Variants in DCC observed in about 807,000 individuals in gnomAD.
DCC encodes the protein DCC netrin 1 receptor, also known as netrin receptor DCC.
A neutral mutation model predicts 172.5 loss-of-function variants in DCC; 58 were observed. The observed-to-expected ratio is 0.34, with a 90% CI of 0.27 to 0.42. DCC has a LOEUF of 0.42. DCC is among the 10% of genes least tolerant of loss of function. The probability of loss-of-function intolerance (pLI) is 1.00; values close to 1 mark genes in which losing one functional copy is unlikely to be tolerated. For synonymous variants in DCC, 709 were observed against 644.5 expected (o/e 1.10, Z -1.52); for missense variants, 1,740 against 1,791.0 (o/e 0.97, Z 0.51).
In DCC at chr18:53,125,878, C is replaced by T. The variant is rs190877241; in HGVS notation, c.1262-31478C>T. Among the ~76,000 whole-genome samples, 13 of 152,208 alleles carry T rather than the reference C, an allele frequency of 8.5e-5. No individual in the cohort carries two copies. The East Asian group carries it at 2.5e-3, about 30-fold the overall frequency. On this transcript the variant is annotated intron_variant, in intron 7 of 28. Transcript: ENST00000442544. Reference sequence around the variant, plus strand: ...TTTGTGGATAATCTTTTTTAGTTCACCACAGTGTATGAAACAGATACATTA... The same window carrying T: ...TTTGTGGATAATCTTTTTTAGTTCATCACAGTGTATGAAACAGATACATTA...
chr18:53,266,693 C>T (rs960344125), intron 12 of DCC, among the ~76,000 whole-genome samples: 2 of 151,982 alleles, frequency 1.3e-5, no homozygotes, highest in African/African-American at 2.4e-5. Flanking sequence ...CCTCCTCACA[C>T]TTCAGCCATA....
At chr18:53,455,791 C>T (rs7239979) in intron 23 of DCC, among the ~76,000 whole-genome samples, 4,375 of 152,214 alleles carry the variant, frequency 0.029, 227 homozygotes, top group African/African-American at 0.099. Flanking sequence ...ACTGTCATGC[C>T]GCAGTGCATG....
At chr18:52,750,533 G>A (rs1378355212) in intron 1 of DCC, among the ~76,000 whole-genome samples, 1 of 152,146 alleles carries the variant, frequency 6.6e-6, no homozygotes, top group East Asian at 1.9e-4. Flanking sequence ...TGAGTGAGTG[G>A]CCAAGGTGAA....
chr18:53,094,296 G>C (rs1326361219), intron 7 of DCC, among the ~76,000 whole-genome samples: 2 of 152,120 alleles, frequency 1.3e-5, no homozygotes, highest in Non-Finnish European at 2.9e-5. Flanking sequence ...CTGGGAAGAA[G>C]GACTTTGTAA....
Position 52,881,267 on chromosome 18 carries a change from A to T in DCC, c.413-24777A>T, listed in dbSNP as rs574495005. Among the ~76,000 whole-genome samples the T allele has an allele frequency of 5.9e-5, 9 of 152,158 alleles. No homozygotes were observed. In the South Asian group the frequency reaches 1.7e-3, roughly 28 times the overall value. The stretch of plus-strand genomic sequence containing the variant: ...ATTCTGGTTACTAGTCCCTTGTCAG[A>T]TGGGTAGTTTGCAAATATTTTCTTC... On this transcript the variant is annotated intron_variant, in intron 2 of 28. Coordinates refer to ENST00000442544, the MANE Select transcript of DCC (RefSeq NM_005215.4).
At chr18:52,355,110 G>A (rs1364832438) in intron 1 of DCC, among the ~76,000 whole-genome samples, 1 of 152,098 alleles carries the variant, frequency 6.6e-6, no homozygotes. Flanking sequence ...CTCTGTGTTT[G>A]CCTTCAGAGC....
At chr18:52,342,313 T>C (rs937080365) in intron 1 of DCC, among the ~76,000 whole-genome samples, 3 of 152,142 alleles carry the variant, frequency 2.0e-5, no homozygotes, top group Non-Finnish European at 4.4e-5. Flanking sequence ...ACGCGCGCTG[T>C]CCTGTGATGA....
chr18:53,272,540 G>A (rs1408366177), intron 12 of DCC, among the ~76,000 whole-genome samples: 1 of 152,100 alleles, frequency 6.6e-6, no homozygotes, highest in Non-Finnish European at 1.5e-5. Context: ...GTATGAATTG[G>A]TAATGGATCT....
intron 1 of DCC, among the ~76,000 whole-genome samples, chr18:52,714,574 T>C (rs961169109): frequency 6.6e-6 from 1 of 152,156 alleles, no homozygotes; most frequent in Non-Finnish European, 1.5e-5. Context: ...GAAGGATGAG[T>C]GAGTGAGTTG....
intron 19 of DCC, among the ~76,000 whole-genome samples, chr18:53,408,245 T>C (rs576411046): frequency 6.1e-4 from 93 of 152,288 alleles, no homozygotes; most frequent in African/African-American, 2.1e-3. Flanking sequence ...CTGCACATAT[T>C]TGTTATCTTA....
At chr18:52,727,890 A>T (rs1416501587) in intron 1 of DCC, among the ~76,000 whole-genome samples, 1 of 152,214 alleles carries the variant, frequency 6.6e-6, no homozygotes. Context: ...ATGTATTCAT[A>T]ATCCATGGTC....
At chr18:52,909,028 A>G (rs1033124338) in intron 3 of DCC, among the ~76,000 whole-genome samples, 1 of 152,074 alleles carries the variant, frequency 6.6e-6, no homozygotes, top group Admixed American at 6.6e-5. Context: ...CGAGTTTGCA[A>G]GTTGGTTTAG....
intron 1 of DCC, among the ~76,000 whole-genome samples, chr18:52,497,712 T>C (rs747189151): frequency 1.8e-4 from 28 of 152,152 alleles, no homozygotes; most frequent in Non-Finnish European, 3.1e-4. Flanking sequence ...CTAGATCTTA[T>C]ATAACATGGA....
intron 7 of DCC, among the ~76,000 whole-genome samples, chr18:53,154,620 G>T (rs942400227): frequency 6.6e-6 from 1 of 152,144 alleles, no homozygotes; most frequent in Non-Finnish European, 1.5e-5. Context: ...AGAGTGCAAT[G>T]GTGTCAATGG....
intron 12 of DCC, among the ~76,000 whole-genome samples, chr18:53,244,878 C>T (rs2056347311): frequency 6.6e-6 from 1 of 152,028 alleles, no homozygotes; most frequent in Non-Finnish European, 1.5e-5. Flanking sequence ...ATTTAGATTG[C>T]CTATACTATA....
At chr18:53,489,530 A>ATATC (rs1173027362) in intron 26 of DCC, among the ~76,000 whole-genome samples, 4 of 152,162 alleles carry the variant, frequency 2.6e-5, no homozygotes, top group Non-Finnish European at 5.9e-5. Flanking sequence ...CTGGGTGGAT[A>ATATC]TATCTTATTA....
intron 2 of DCC, among the ~76,000 whole-genome samples, chr18:52,835,063 CA>C (rs2038681401): frequency 6.6e-6 from 1 of 152,116 alleles, no homozygotes; most frequent in Non-Finnish European, 1.5e-5. Flanking sequence ...CATAGGCAAA[CA>C]GCTTTTTAAA....
At chr18:52,740,492 A>T (rs1360788331) in intron 1 of DCC, among the ~76,000 whole-genome samples, 2 of 152,196 alleles carry the variant, frequency 1.3e-5, no homozygotes, top group East Asian at 3.9e-4. Context: ...GTTATAATAC[A>T]AATGTTTTAT....
At chr18:53,419,327 A>G (rs1181279134) in intron 21 of DCC, among the ~76,000 whole-genome samples, 1 of 152,094 alleles carries the variant, frequency 6.6e-6, no homozygotes, top group Non-Finnish European at 1.5e-5. Context: ...AAAAATGTAC[A>G]ATTATATTAT....
Sources: allele counts gnomAD v4.1 joint callset (sites outside exome capture counted in the v4.1 genomes callset), GRCh38; gene constraint gnomAD v4.1.1; transcripts MANE v1.5; gene names NCBI Gene and HGNC (gene_info 2026-07-23, HGNC 2026-07-21).